Variants in CNOT1 observed in about 807,000 individuals in gnomAD.
The protein encoded by CNOT1 is CCR4-NOT transcription complex subunit 1, also known as CCR4-associated factor 1.
In CNOT1, 15 loss-of-function variants were observed where a neutral mutation model predicts 273.8. The ratio of observed to expected loss-of-function variants is 0.05; its 90% CI spans 0.04 to 0.08. CNOT1 has a LOEUF of 0.08. Among genes scored for constraint, CNOT1 ranks in the 10% least tolerant of loss-of-function variants. The pLI, the probability that CNOT1 is intolerant of heterozygous loss-of-function variation, is 1.00. For synonymous variants in CNOT1, 1,022 were observed against 1,005.5 expected (o/e 1.02, Z -0.31); for missense variants, 1,644 against 2,912.2 (o/e 0.56, Z 10.02).
chr16:58,616,897 G>T (rs1278692361), intron 1 of CNOT1, among the ~76,000 whole-genome samples: 2 of 151,920 alleles, frequency 1.3e-5, no homozygotes, highest in Non-Finnish European at 1.5e-5. Context: ...TTTATACCAA[G>T]AATAAGTAAA....
chr16:58,550,991 A>G, intron 24 of CNOT1, 141 bp downstream of exon 24: 1 of 1,438,844 alleles, frequency 7.0e-7, no homozygotes, highest in Non-Finnish European at 9.1e-7. Context: ...AATGTCTACC[A>G]AACCCACTAG....
chr16:58,540,496 A>T (rs1334106374), intron 34 of CNOT1, among the ~76,000 whole-genome samples: 1 of 152,226 alleles, frequency 6.6e-6, no homozygotes, highest in East Asian at 1.9e-4. Flanking sequence ...AATATTCAGA[A>T]GTGTTATGGT....
chr16:58,521,628 C>G (rs1272598008), intron 47 of CNOT1, among the ~76,000 whole-genome samples: 1 of 152,150 alleles, frequency 6.6e-6, no homozygotes, highest in Non-Finnish European at 1.5e-5. Flanking sequence ...ACATGGCACA[C>G]AAAGTTAGTA....
intron 1 of CNOT1, among the ~76,000 whole-genome samples, chr16:58,605,424 A>C (rs1597580822): frequency 1.3e-5 from 2 of 151,690 alleles, no homozygotes; most frequent in Admixed American, 1.3e-4. Context: ...AATCACTTGA[A>C]CCCAGGAGGC....
At chr16:58,581,656 CTTTTTTTTTCTTT>C in intron 10 of CNOT1, 141 bp from the exon 11 acceptor site, 1 of 1,276,398 alleles carries the variant, frequency 7.8e-7, no homozygotes, top group East Asian at 2.7e-5. Flanking sequence ...GAAACCCATT[CTTTTTTTTTCTTT>C]TTTTTTTTTT....
intron 22 of CNOT1, 98 bp downstream of exon 22, chr16:58,553,684 T>G (rs2040531638): frequency 7.2e-7 from 1 of 1,395,042 alleles, no homozygotes; most frequent in Non-Finnish European, 9.4e-7. Flanking sequence ...TTAAGAAATC[T>G]TAATGCCATT....
intron 18 of CNOT1, among the ~76,000 whole-genome samples, chr16:58,557,737 C>T (rs2040681092): frequency 6.6e-6 from 1 of 152,112 alleles, no homozygotes; most frequent in Admixed American, 6.5e-5. Flanking sequence ...GCCTGTAATC[C>T]CAGCACTTTG....
At chr16:58,523,188 T>G in intron 47 of CNOT1, 182 bp downstream of exon 47, 1 of 448,084 alleles carries the variant, frequency 2.2e-6, no homozygotes, top group Non-Finnish European at 3.7e-6. Context: ...GAGGTTGCAG[T>G]GAGCCAAGAT....
At chr16:58,580,857 A>G (rs2151973892) in intron 11 of CNOT1, 97 bp from the exon 12 acceptor site, 1 of 1,179,290 alleles carries the variant, frequency 8.5e-7, no homozygotes, top group South Asian at 1.7e-5. Context: ...TAAGGTTATT[A>G]GCATGGCAAT....
intron 45 of CNOT1, 47 bp from the exon 46 acceptor site, chr16:58,525,406 A>G: frequency 6.5e-7 from 1 of 1,531,238 alleles, no homozygotes; most frequent in Non-Finnish European, 9.0e-7. Flanking sequence ...CCTGCAGAGG[A>G]CCAATTCTAG....
chr16:58,582,960 G>T, intron 9 of CNOT1, 57 bp from the exon 10 acceptor site: 2 of 1,611,848 alleles, frequency 1.2e-6, no homozygotes, highest in Non-Finnish European at 1.7e-6. Flanking sequence ...TTCACTTCTG[G>T]TCGATAGAAC....
At chr16:58,616,589 A>G (rs1355102467) in intron 1 of CNOT1, among the ~76,000 whole-genome samples, 2 of 152,188 alleles carry the variant, frequency 1.3e-5, no homozygotes, top group Non-Finnish European at 2.9e-5. Flanking sequence ...AAAGGAAAAC[A>G]AGATATAGTC....
chr16:58,542,749 C>A (rs1158629976), intron 31 of CNOT1, among the ~76,000 whole-genome samples, 181 bp from the exon 32 acceptor site: 1 of 152,134 alleles, frequency 6.6e-6, no homozygotes, highest in African/African-American at 2.4e-5. Flanking sequence ...ACTTTTAAGA[C>A]AAAAATATCC....
chr16:58,578,073 C>A (rs77426403), intron 13 of CNOT1, among the ~76,000 whole-genome samples: 2,295 of 152,170 alleles, frequency 0.015, 34 homozygotes, highest in Non-Finnish European at 0.023. Flanking sequence ...ACATCAATAC[C>A]TTCTGCCTCC....
At position 58,536,014 on chromosome 16, in the gene CNOT1, G is replaced by A. The variant is rs889834794; in HGVS notation, c.5646+975C>T. On this transcript the variant is annotated intron_variant, in intron 39 of 48. Transcript: ENST00000317147. The stretch of plus-strand genomic sequence containing the variant: ...CTCCCAAAGTGCTGGGATTACAGGC[G>A]TGAGCCACAGCACCTGGCTGAAAAG... 3.9e-5 allele frequency among the ~76,000 whole-genome samples: 6 copies of A among 152,144 alleles called. 1 individual carries two copies. Among genetic ancestry groups the A allele is most frequent in the Non-Finnish European group, 7.4e-5 (5 of 68,026 alleles).
At chr16:58,619,475 TG>T (rs1191961289) in intron 1 of CNOT1, among the ~76,000 whole-genome samples, 1 of 151,978 alleles carries the variant, frequency 6.6e-6, no homozygotes, top group African/African-American at 2.4e-5. Context: ...TCACCCAGGC[TG>T]AAGTGCAGTG....
chr16:58,548,629 G>A (rs1392355948), intron 25 of CNOT1: 5 of 518,630 alleles, frequency 9.6e-6, no homozygotes, highest in African/African-American at 9.6e-5. Context: ...TTTAAATATA[G>A]TGCTGGTTCC....
intron 19 of CNOT1, 128 bp from the exon 20 acceptor site, chr16:58,556,036 TA>T: frequency 6.8e-7 from 1 of 1,465,268 alleles, no homozygotes; most frequent in Non-Finnish European, 9.0e-7. Flanking sequence ...GAAAAGGTAT[TA>T]AGCGGTCAAG....
intron 1 of CNOT1, among the ~76,000 whole-genome samples, chr16:58,618,710 T>A (rs1394102310): frequency 6.6e-6 from 1 of 151,800 alleles, no homozygotes; most frequent in Non-Finnish European, 1.5e-5. Context: ...TGACTGGGTG[T>A]TCACATGCAT....
Sources: gnomAD v4.1 joint callset for allele counts (sites outside exome capture counted in the v4.1 genomes callset) on GRCh38, gnomAD v4.1.1 for gene constraint, MANE v1.5 for transcripts, NCBI Gene and HGNC (gene_info 2026-07-23, HGNC 2026-07-21) for gene names.